PDLIM2: variants seen among roughly 807,000 people sequenced by gnomAD.
PDLIM2 encodes PDZ and LIM domain protein 2.
In PDLIM2, 51 loss-of-function variants were observed where a neutral mutation model predicts 54.1. That is an observed-to-expected ratio of 0.94 (90% CI 0.75 to 1.19). The LOEUF (loss-of-function observed/expected upper bound fraction) is 1.19, where lower values mean the gene tolerates loss of function less well. Among genes scored for constraint, PDLIM2 ranks in the 50% most tolerant of loss-of-function variants. The pLI is 0.00. For missense variants in PDLIM2, 912 were observed against 874.0 expected, an observed-to-expected ratio of 1.04 and a Z score of -0.55; for synonymous variants, 398 against 385.6, an observed-to-expected ratio of 1.03 and a Z score of -0.38.
rs750034654 is a variant in PDLIM2 at position 22,585,296 on chromosome 8, C to T, written c.1212-25C>T. The T allele has an allele frequency of 5.0e-6, 8 of 1,611,854 alleles. No homozygotes were observed. The Admixed American group carries it at 1.2e-4, about 24-fold the overall frequency. ...GGGCAGGCTGGGGGTGGCCCTGGCACACACTGTCCCTTTCCCACTTTCAGC... is the reference window on the plus strand; with the variant it reads ...GGGCAGGCTGGGGGTGGCCCTGGCATACACTGTCCCTTTCCCACTTTCAGC... On this transcript the variant is annotated intron_variant, in intron 5 of 9. Coordinates refer to ENST00000308354, the Ensembl canonical transcript of PDLIM2.
chr8:22,579,485 C>A (rs974408016), exon 1 of PDLIM2: 21 of 1,511,260 alleles, frequency 1.4e-5, no homozygotes, highest in Non-Finnish European at 1.8e-5. Flanking sequence ...CTGGGCACCT[C>A]CCCGCGGCGC....
intron 6 of PDLIM2, 116 bp from the exon 6 acceptor site, chr8:22,589,182 G>A (rs1800460993): frequency 1.8e-5 from 19 of 1,033,676 alleles, no homozygotes; most frequent in East Asian, 2.6e-5. Flanking sequence ...TCCGCTGGTC[G>A]GCGAGGGCCG....
At chr8:22,580,322 CT>C in intron 1 of PDLIM2, 152 bp from the exon 1 acceptor site, 1 of 579,170 alleles carries the variant, frequency 1.7e-6, no homozygotes, top group Non-Finnish European at 2.8e-6. Flanking sequence ...AGCAAGCCCC[CT>C]GCCTGGCAGC....
exon 1 of PDLIM2, chr8:22,579,503 G>A: frequency 6.6e-7 from 1 of 1,509,612 alleles, no homozygotes; most frequent in South Asian, 1.2e-5. Context: ...CGCCCGCAGC[G>A]CGGAGTCCAC....
At chr8:22,580,574 A>C in intron 1 of PDLIM2, 3 of 1,613,534 alleles carry the variant, frequency 1.9e-6, no homozygotes, top group Non-Finnish European at 2.5e-6. Context: ...AGGGGCATGG[A>C]CTTCACCTCC....
intron 8 of PDLIM2, 176 bp downstream of exon 7, chr8:22,589,917 CCGGGAGGG>C (rs1800494975): frequency 1.7e-5 from 6 of 363,370 alleles, no homozygotes; most frequent in Non-Finnish European, 2.3e-5. Context: ...AGCTGACGGT[CCGGGAGGG>C]TCCGGGAGGG....
chr8:22,593,641 CCTG>C, intron 9 of PDLIM2, 89 bp from the exon 9 acceptor site: 1 of 1,123,504 alleles, frequency 8.9e-7, no homozygotes, highest in Non-Finnish European at 1.2e-6. Flanking sequence ...CCACCCAGGT[CCTG>C]ATGCTACAGT....
At chr8:22,579,559 C>A (rs1362188804) in intron 1 of PDLIM2, 1 of 1,438,946 alleles carries the variant, frequency 6.9e-7, no homozygotes, top group Non-Finnish European at 9.1e-7. Flanking sequence ...CGCGAGCCGG[C>A]CTCGGGGACT....
At chr8:22,583,221 G>T (rs900081284) in intron 3 of PDLIM2, among the ~76,000 whole-genome samples, 1 of 152,096 alleles carries the variant, frequency 6.6e-6, no homozygotes, top group Admixed American at 6.5e-5. Flanking sequence ...CTGGGAGGGC[G>T]TGCCCCTCTC....
chr8:22,585,871 G>A (rs972335057), intron 6 of PDLIM2, among the ~76,000 whole-genome samples: 10 of 150,758 alleles, frequency 6.6e-5, no homozygotes, highest in African/African-American at 2.2e-4. Context: ...GTGGGACTGC[G>A]GTTCTGCCTT....
At chr8:22,578,938 G>A (rs964769432) in exon 1 of PDLIM2, 3 of 1,238,132 alleles carry the variant, frequency 2.4e-6, no homozygotes, top group Admixed American at 8.4e-5. Context: ...GGGCACCACC[G>A]GCTGGACGGT....
chr8:22,584,076 A>G (rs944997420), intron 3 of PDLIM2, among the ~76,000 whole-genome samples: 33 of 151,594 alleles, frequency 2.2e-4, no homozygotes, highest in Middle Eastern at 3.4e-3. Context: ...ATTTTGGCTC[A>G]CTGTAACCTC....
At chr8:22,597,162 C>G (rs1800698894), downstream of PDLIM2, 1 of 152,300 alleles carries the variant, frequency 6.6e-6, no homozygotes, top group Non-Finnish European at 1.5e-5. Context: ...GCAGGGGCCA[C>G]TGGGCAGCCT....
At chr8:22,594,188 G>A in exon 10 of PDLIM2, 1 of 1,407,040 alleles carries the variant, frequency 7.1e-7, no homozygotes. Context: ...GGTCTAAGTA[G>A]GGTCGAACAC....
At chr8:22,589,980 A>C in intron 8 of PDLIM2, 1 of 548,294 alleles carries the variant, frequency 1.8e-6, no homozygotes. Context: ...GCCAGCTGGG[A>C]TGGGAAAGTG....
exon 10 of PDLIM2, chr8:22,593,741 C>T (rs1048226376): frequency 4.4e-6 from 7 of 1,586,508 alleles, no homozygotes; most frequent in Non-Finnish European, 6.0e-6. Flanking sequence ...AGGAACCAGG[C>T]TGTGCGCATC....
At chr8:22,590,234 T>G (rs1800503187) in intron 8 of PDLIM2, 1 of 160,988 alleles carries the variant, frequency 6.2e-6, no homozygotes, top group Non-Finnish European at 1.4e-5. Flanking sequence ...GCCAAGCCCC[T>G]GCAGTGAGGG....
exon 1 of PDLIM2, chr8:22,579,277 G>C: frequency 1.5e-6 from 2 of 1,370,138 alleles, no homozygotes; most frequent in Non-Finnish European, 1.9e-6. Context: ...CCGGCGCCGG[G>C]CTCCTCTCCG....
intron 2 of PDLIM2, 124 bp downstream of exon 1, chr8:22,580,821 C>CTCCA: frequency 9.1e-7 from 1 of 1,097,026 alleles, no homozygotes; most frequent in Non-Finnish European, 1.4e-6. Context: ...TGCTGCCTGG[C>CTCCA]GTGCTGGCTG....
Sources: gnomAD v4.1 joint callset for allele counts (sites outside exome capture counted in the v4.1 genomes callset) on GRCh38, gnomAD v4.1.1 for gene constraint, MANE v1.5 for transcripts, NCBI Gene and HGNC (gene_info 2026-07-23, HGNC 2026-07-21) for gene names.